TAF5: variants seen among roughly 807,000 people sequenced by gnomAD.
TAF5 encodes the protein TATA-box binding protein associated factor 5.
A neutral mutation model predicts 80.9 loss-of-function variants in TAF5; 20 were observed. The ratio of observed to expected loss-of-function variants is 0.25; its 90% confidence interval spans 0.17 to 0.36. The LOEUF (loss-of-function observed/expected upper bound fraction) is 0.36, where lower values mean the gene tolerates loss of function less well. TAF5 is among the 10% of genes least tolerant of loss of function. The pLI, the probability that TAF5 is intolerant of heterozygous loss-of-function variation, is 1.00. For missense variants in TAF5, 863 were observed against 1,029.4 expected, an observed-to-expected ratio of 0.84 and a Z score of 2.21; for synonymous variants, 388 against 406.4, an observed-to-expected ratio of 0.95 and a Z score of 0.55.
In TAF5 at chr10:103,368,031, G is replaced by C. The variant is rs2093348971; in HGVS notation, c.42G>C (p.Lys14Asn). The C allele has an allele frequency of 1.4e-6, 2 of 1,465,752 alleles. No individual in the cohort carries two copies. Among genetic ancestry groups the C allele is most frequent in the Non-Finnish European group, 1.8e-6 (2 of 1,114,066 alleles). 90.8% of individuals were successfully genotyped at this position (1,465,752 alleles called of 1,614,324 possible). A position where few individuals can be genotyped will look rare whatever the true frequency, so the allele number is the denominator to read the frequency against. ...LAEEQTEVAV[K>N]LEPEGPPTLL... is the part of the protein sequence containing the mutation. ...AGGAGCAGACGGAGGTGGCGGTCAAGCTAGAGCCTGAGGGACCGCCAACGC... is the reference window on the plus strand; with the variant it reads ...AGGAGCAGACGGAGGTGGCGGTCAACCTAGAGCCTGAGGGACCGCCAACGC... Residue 14 changes from lysine to asparagine, a missense_variant, in exon 1 of 11, where the codon AAG becomes AAC. Coordinates refer to ENST00000369839, the MANE Select transcript of TAF5 (RefSeq NM_006951.5).
At position 103,385,517 on chromosome 10, in the gene TAF5, G is replaced by A. The variant is rs1006673121; in HGVS notation, c.1829+27G>A. On this transcript the variant is annotated intron_variant, in intron 8 of 10. Transcript: ENST00000369839. ...TAAGAACACTGTGATCTTATGACTGGGTCTATTCAATGAACAGAATGGTTT... is the reference window on the plus strand; with the variant it reads ...TAAGAACACTGTGATCTTATGACTGAGTCTATTCAATGAACAGAATGGTTT... The A allele has an allele frequency of 1.1e-5, 18 of 1,608,216 alleles. No individual in the cohort carries two copies. In the Admixed American group the frequency reaches 1.4e-4, roughly 12 times the overall value.
chr10:103,383,609 G>A (rs948510492), intron 7 of TAF5, among the ~76,000 whole-genome samples: 24 of 126,668 alleles, frequency 1.9e-4, no homozygotes, highest in African/African-American at 6.8e-4. Flanking sequence ...ACAGAGTTTC[G>A]CTCTTGTTGC....
At chr10:103,382,565 A>G (rs1344256558) in intron 6 of TAF5, among the ~76,000 whole-genome samples, 3 of 152,046 alleles carry the variant, frequency 2.0e-5, no homozygotes, top group African/African-American at 7.2e-5. Context: ...ACCCGGCCTG[A>G]AATAAAGTTT....
chr10:103,376,766 C>T (rs867815985), intron 2 of TAF5, among the ~76,000 whole-genome samples: 21 of 152,078 alleles, frequency 1.4e-4, no homozygotes, highest in African/African-American at 5.1e-4. Context: ...AAAATTGAGC[C>T]GGGCATGGTG....
intron 9 of TAF5, 23 bp downstream of exon 9, chr10:103,387,375 C>T: frequency 6.3e-7 from 1 of 1,587,162 alleles, no homozygotes; most frequent in Non-Finnish European, 8.6e-7. Flanking sequence ...CTTACTATTC[C>T]AGCATCCAAG....
chr10:103,382,499 T>C (rs1268065753), intron 6 of TAF5, among the ~76,000 whole-genome samples: 3 of 152,004 alleles, frequency 2.0e-5, no homozygotes, highest in African/African-American at 4.8e-5. Flanking sequence ...GCTGGAATTA[T>C]AGGTGGCTCA....
Position 103,368,548 on chromosome 10 carries a change from G to T in TAF5, c.559G>T (p.Val187Phe). The part of the protein sequence containing the change: ...SASGPAAPGK[V>F]GSVAVEDQPD... ...CTCAGGTCCTGCGGCTCCGGGTAAAGGTGAGCCGTGGGGTCCCGGGTAGGT... is the reference window on the plus strand; with the variant it reads ...CTCAGGTCCTGCGGCTCCGGGTAAATGTGAGCCGTGGGGTCCCGGGTAGGT... The change falls in exon 1 of 11, where the codon GTT becomes TTT. Residue 187 changes from valine (V) to phenylalanine (F), a missense_variant and splice_region_variant. Coordinates refer to ENST00000369839, the MANE Select transcript of TAF5 (RefSeq NM_006951.5). 1 of 1,504,644 alleles carries T rather than the reference G, an allele frequency of 6.6e-7. No homozygotes were observed. Among genetic ancestry groups the T allele is most frequent in the Non-Finnish European group, 8.8e-7 (1 of 1,135,310 alleles). 93.2% of individuals were successfully genotyped at this position (1,504,644 alleles called of 1,614,324 possible).
chr10:103,368,289 G>C lies in TAF5; in HGVS notation c.300G>C (p.Val100=). The C allele has an allele frequency of 2.5e-6, 4 of 1,580,532 alleles. No homozygotes were observed. The highest frequency in any genetic ancestry group is 3.4e-6 in the Non-Finnish European group (4 of 1,172,404). ...ATGACCGACAGACTCTACTGGCCGT[G>C]CTGCAGTTCCTACGGCAGAGCAAAC... The part of the protein sequence containing the change: ...APHDRQTLLA[V]LQFLRQSKLR... The change falls in exon 1 of 11, where the codon GTG becomes GTC. Residue 100 remains valine, a synonymous_variant. Coordinates refer to ENST00000369839, the MANE Select transcript of TAF5 (RefSeq NM_006951.5).
At chr10:103,371,497 C>CA (rs1338504968) in intron 1 of TAF5, among the ~76,000 whole-genome samples, 1 of 152,170 alleles carries the variant, frequency 6.6e-6, no homozygotes, top group Non-Finnish European at 1.5e-5. Context: ...TTCCAACAAC[C>CA]AAATTCTGAT....
intron 6 of TAF5, 76 bp downstream of exon 6, chr10:103,381,917 G>GA: frequency 6.4e-7 from 1 of 1,557,120 alleles, no homozygotes; most frequent in Non-Finnish European, 8.8e-7. Flanking sequence ...AAATACACAG[G>GA]AGATTGTGTT....
At chr10:103,387,728 A>G (rs770372759) in intron 10 of TAF5, 30 bp downstream of exon 10, 26 of 1,588,972 alleles carry the variant, frequency 1.6e-5, no homozygotes, top group African/African-American at 1.5e-4. Flanking sequence ...TTTACGATAA[A>G]TGCTATGTTA....
Position 103,387,165 on chromosome 10 carries a change from T to G in TAF5, c.1830-10T>G. On this transcript the variant is annotated splice_polypyrimidine_tract_variant and intron_variant, in intron 8 of 10. Transcript: ENST00000369839. ...ATTGTCATCTTTTGCTTTCAATAACTTTATAAAAGGCTCTGGGCTACAGAC... is the reference window on the plus strand; with the variant it reads ...ATTGTCATCTTTTGCTTTCAATAACGTTATAAAAGGCTCTGGGCTACAGAC... 2 of 1,601,008 alleles carry G rather than the reference T, an allele frequency of 1.2e-6. No homozygotes were observed. Among genetic ancestry groups the G allele is most frequent in the Non-Finnish European group, 1.7e-6 (2 of 1,172,826 alleles).
chr10:103,383,378 A>G lies in TAF5; in HGVS notation c.1664+11A>G. 6.3e-7 allele frequency: 1 copy of G among 1,576,400 alleles called. No individual in the cohort carries two copies. The highest frequency in any genetic ancestry group is 1.2e-5 in the South Asian group (1 of 83,392). On this transcript the variant is annotated intron_variant, in intron 7 of 10. Transcript: ENST00000369839. ...CTTCAGTCCGGATAGGTAAAATACAAACAATAAAAATTAAATACTGCTATG... is the reference window on the plus strand; with the variant it reads ...CTTCAGTCCGGATAGGTAAAATACAGACAATAAAAATTAAATACTGCTATG...
chr10:103,386,722 G>A (rs978249303), intron 8 of TAF5, among the ~76,000 whole-genome samples: 4 of 147,266 alleles, frequency 2.7e-5, no homozygotes, highest in Non-Finnish European at 5.9e-5. Context: ...GGAGTGCAGT[G>A]TCGCCATCTC....
rs2093401917 is a variant in TAF5, at chr10:103,388,073, C to G, written c.2253C>G (p.Asp751Glu). The change falls in exon 11 of 11, where the codon GAC (aspartate) becomes GAG (glutamate). Residue 751 changes from aspartate (D) to glutamate (E), a missense_variant. Coordinates refer to ENST00000369839, the MANE Select transcript of TAF5 (RefSeq NM_006951.5). Reference sequence around the variant, plus strand: ...CCTTTGAAGATTTAGAGACCGATGACTTTACTACAGCCACTGGGCATATAA... The same window carrying G: ...CCTTTGAAGATTTAGAGACCGATGAGTTTACTACAGCCACTGGGCATATAA... ...IKAFEDLETDDFTTATGHINL... is the reference protein window; with the variant it reads ...IKAFEDLETDEFTTATGHINL... The G allele has an allele frequency of 1.2e-6, 2 of 1,614,088 alleles. No homozygotes were observed. Among genetic ancestry groups the G allele is most frequent in the Non-Finnish European group, 1.7e-6 (2 of 1,179,988 alleles).
chr10:103,373,899 C>G (rs2093365148), intron 2 of TAF5, among the ~76,000 whole-genome samples: 1 of 151,954 alleles, frequency 6.6e-6, no homozygotes, highest in Non-Finnish European at 1.5e-5. Context: ...TGGGAAGGAT[C>G]CTGGTAGGTA....
Position 103,378,475 on chromosome 10 carries a change from G to A in TAF5, c.1038G>A (p.Pro346=), listed in dbSNP as rs756932247. Residue 346 remains proline, a synonymous_variant, in exon 3 of 11, where the codon CCG becomes CCA. Coordinates refer to ENST00000369839, the MANE Select transcript of TAF5 (RefSeq NM_006951.5). This position sits in a 1 kb window ranked among gnomAD's most constrained non-coding sequence, Gnocchi z 4.1. ...HLYIDIFDGM[P]RSKQQIDAMV... is the part of the protein sequence containing the mutation. ...ACATTGACATCTTTGATGGGATGCC[G>A]CGTAGTAAGCAACAGATAGATGCGA... 5.6e-6 allele frequency: 9 copies of A among 1,614,006 alleles called. No individual in the cohort carries two copies. The highest frequency in any genetic ancestry group is 1.7e-5 in the Admixed American group (1 of 59,970).
At position 103,368,072 on chromosome 10, in the gene TAF5, C is replaced by A; in HGVS notation, c.83C>A (p.Ala28Glu). 1 of 1,429,362 alleles carries A rather than the reference C, an allele frequency of 7.0e-7. No individual in the cohort carries two copies. Among genetic ancestry groups the A allele is most frequent in the Non-Finnish European group, 9.1e-7 (1 of 1,093,406 alleles). The allele number at this position is 1,429,362 out of a possible 1,614,324, so 88.5% of individuals were successfully genotyped here. A position where few individuals can be genotyped will look rare whatever the true frequency, so the allele number is the denominator to read the frequency against. Residue 28 changes from alanine to glutamate, a missense_variant, in exon 1 of 11, where the codon GCG (alanine) becomes GAG (glutamate). Physicochemically the swap from Ala to Glu is moderately radical, Grantham distance 107 (BLOSUM62 -1). This residue lies in a region of TAF5 where 367 missense variants were observed against 335.5 expected (regional missense o/e 1.09). Coordinates refer to ENST00000369839, the MANE Select transcript of TAF5 (RefSeq NM_006951.5). ...EGPPTLLPPQ[A>E]GDGAGEGSGG... ...CCGCCAACGCTGCTACCTCCGCAGG[C>A]GGGGGACGGCGCAGGCGAGGGTAGC...
rs2093375239 is a variant in TAF5 at position 103,378,702 on chromosome 10, A to G, written c.1113+152A>G. The G allele has an allele frequency of 1.1e-6, 1 of 877,938 alleles. No homozygotes were observed. Among genetic ancestry groups the G allele is most frequent in the Non-Finnish European group, 1.7e-6 (1 of 589,000 alleles). 54.4% of individuals were successfully genotyped at this position (877,938 alleles called of 1,614,324 possible). ...GACGGAGTTTTGCTCTTGTCACCCA[A>G]GCTGGAGTGCAGTGGCGTGATCTCA... is the stretch of plus-strand genomic sequence containing the variant. On this transcript the variant is annotated intron_variant, in intron 3 of 10. Transcript: ENST00000369839. This position sits in a 1 kb window ranked among gnomAD's most constrained non-coding sequence, Gnocchi z 4.1.
Sources: gnomAD v4.1 joint callset for allele counts (sites outside exome capture counted in the v4.1 genomes callset) on GRCh38, gnomAD v4.1.1 for gene constraint, gnomAD v4.1.1 regional missense constraint, Gnocchi (gnomAD v3.1) non-coding constraint, MANE v1.5 for transcripts, NCBI Gene and HGNC (gene_info 2026-07-23, HGNC 2026-07-21) for gene names.